Variants in XIRP2 observed in about 807,000 individuals in gnomAD.
XIRP2 encodes xin actin binding repeat containing 2, also known as xin actin-binding repeat-containing protein 2.
Under a neutral mutation model 277.0 loss-of-function variants are expected in XIRP2, and 236 were observed. That is an observed-to-expected ratio of 0.85 (90% CI 0.77 to 0.95). The LOEUF is 0.95. Ranked by LOEUF, XIRP2 falls within the 40% of genes least tolerant of loss-of-function variation. The pLI is 0.00. For synonymous variants in XIRP2, 1,490 were observed against 1,416.5 expected (o/e 1.05, Z -1.17); for missense variants, 4,640 against 4,157.5 (o/e 1.12, Z -3.19).
At chr2:167,015,751 AG>A in intron 2 of XIRP2, among the ~76,000 whole-genome samples, 1 of 151,944 alleles carries the variant, frequency 6.6e-6, no homozygotes, top group East Asian at 1.9e-4. Flanking sequence ...ACCCTGGAGA[AG>A]GCAGATGCCC....
At chr2:166,924,277 T>G (rs1685129261) in intron 2 of XIRP2, among the ~76,000 whole-genome samples, 1 of 152,000 alleles carries the variant, frequency 6.6e-6, no homozygotes, top group African/African-American at 2.4e-5. Flanking sequence ...ATTTAACAAG[T>G]GTGGGTTCCA....
intron 2 of XIRP2, among the ~76,000 whole-genome samples, chr2:167,070,690 G>T: frequency 6.6e-6 from 1 of 152,040 alleles, no homozygotes. Context: ...TGTTATAGAG[G>T]CAGACAATAT....
chr2:166,981,545 C>A (rs996298240), intron 2 of XIRP2, among the ~76,000 whole-genome samples: 5 of 152,114 alleles, frequency 3.3e-5, no homozygotes, highest in Non-Finnish European at 5.9e-5. Context: ...CCTCGGCCTC[C>A]AGAGTAGCTG....
chr2:167,132,515 C>T (rs1312614593), intron 2 of XIRP2, among the ~76,000 whole-genome samples: 1 of 132,398 alleles, frequency 7.6e-6, no homozygotes, highest in East Asian at 2.4e-4. Context: ...TGTGTATACA[C>T]ACACACACAC....
chr2:167,053,197 T>C (rs1688957806), intron 2 of XIRP2, among the ~76,000 whole-genome samples: 1 of 152,244 alleles, frequency 6.6e-6, no homozygotes, highest in South Asian at 2.1e-4. Flanking sequence ...TTATGTCTCC[T>C]ACTCTACAGC....
At chr2:166,970,208 T>C (rs1200488861) in intron 2 of XIRP2, among the ~76,000 whole-genome samples, 3 of 152,056 alleles carry the variant, frequency 2.0e-5, no homozygotes, top group African/African-American at 7.2e-5. Context: ...TTTTGATAAC[T>C]ATCTTTAGGA....
At chr2:167,026,056 G>T (rs1407174136) in intron 2 of XIRP2, among the ~76,000 whole-genome samples, 1 of 152,108 alleles carries the variant, frequency 6.6e-6, no homozygotes, top group Admixed American at 6.6e-5. Flanking sequence ...AGTGTGGGGT[G>T]TTAAAGTCTC....
rs756217059 is a variant in XIRP2 at position 167,243,587 on chromosome 2, G to A, written c.2195G>A (p.Ser732Asn). 1.4e-5 allele frequency: 23 copies of A among 1,613,974 alleles called. No homozygotes were observed. Among genetic ancestry groups the A allele is most frequent in the Non-Finnish European group, 1.8e-5 (21 of 1,179,972 alleles). ...LKEIKGNVKR[S>N]IKCFETQPLY... ...GAAATTAAGGGAAATGTTAAAAGAA[G>A]TATAAAATGTTTCGAAACTCAACCA... Residue 732 changes from serine to asparagine, a missense_variant, in exon 9 of 11, where the codon AGT becomes AAT. Ser to Asn is a conservative substitution (Grantham distance 46). Coordinates refer to ENST00000409195, the MANE Select transcript of XIRP2 (RefSeq NM_152381.6).
intron 3 of XIRP2, among the ~76,000 whole-genome samples, chr2:167,201,192 AAGAAAGAAAGAAAG>A (rs1693681275): frequency 2.2e-4 from 2 of 9,298 alleles, no homozygotes; most frequent in Non-Finnish European, 8.8e-4. Context: ...GAGAGAGAGA[AAGAAAGAAAGAAAG>A]AAAGAAAGAA....
intron 2 of XIRP2, among the ~76,000 whole-genome samples, chr2:166,904,616 T>C (rs926859487): frequency 2.0e-5 from 3 of 152,156 alleles, no homozygotes; most frequent in African/African-American, 7.2e-5. Context: ...ATTTATACTT[T>C]TGCGGTAATT....
rs1480660024 is a variant in XIRP2, at chr2:167,259,407, T to C, written c.*1590T>C. On this transcript the variant is annotated 3_prime_UTR_variant, in exon 11 of 11. Transcript: ENST00000409195. Reference sequence around the variant, plus strand: ...CAGTCCACACTTAGGCACTGAGAGATATTGATGTTCTGAAATAAGATTTTA... The same window carrying C: ...CAGTCCACACTTAGGCACTGAGAGACATTGATGTTCTGAAATAAGATTTTA... The C allele has an allele frequency of 9.9e-6, 15 of 1,512,160 alleles. 1 individual carries two copies. Among genetic ancestry groups the C allele is most frequent in the Middle Eastern group, 1.8e-4 (1 of 5,634 alleles). 93.7% of individuals were successfully genotyped at this position (1,512,160 alleles called of 1,614,324 possible).
At chr2:167,156,219 A>C (rs918416717) in intron 3 of XIRP2, among the ~76,000 whole-genome samples, 2 of 152,228 alleles carry the variant, frequency 1.3e-5, no homozygotes, top group African/African-American at 4.8e-5. Context: ...GCTACCAATG[A>C]CTTTCTTCAC....
At chr2:166,898,457 G>T (rs1397043050) in intron 1 of XIRP2, among the ~76,000 whole-genome samples, 1 of 152,072 alleles carries the variant, frequency 6.6e-6, no homozygotes, top group Admixed American at 6.6e-5. Flanking sequence ...ACTTGGAGTA[G>T]TGACTACCTA....
chr2:167,083,632 T>G (rs1273809103), intron 2 of XIRP2, among the ~76,000 whole-genome samples: 8 of 152,224 alleles, frequency 5.3e-5, no homozygotes, highest in South Asian at 2.1e-4. Context: ...AGCAGTGGTT[T>G]GTAGTTCTCC....
chr2:167,184,192 C>CA (rs1693095230), intron 3 of XIRP2, among the ~76,000 whole-genome samples: 1 of 152,168 alleles, frequency 6.6e-6, no homozygotes, highest in Non-Finnish European at 1.5e-5. Flanking sequence ...AGGGCCAAGA[C>CA]AGATTTCTCA....
chr2:167,147,293 G>C (rs2105328476), intron 3 of XIRP2, among the ~76,000 whole-genome samples: 1 of 152,292 alleles, frequency 6.6e-6, no homozygotes. Flanking sequence ...CTTGGGATGT[G>C]CAAACCCTGT....
chr2:167,218,070 G>C (rs1490573710), intron 4 of XIRP2, 96 bp from the exon 5 acceptor site: 3 of 1,067,872 alleles, frequency 2.8e-6, no homozygotes, highest in Non-Finnish European at 3.8e-6. Flanking sequence ...TTAAGATACT[G>C]TCTATCAATA....
intron 4 of XIRP2, among the ~76,000 whole-genome samples, chr2:167,212,406 A>T (rs754108638): frequency 6.6e-6 from 1 of 152,254 alleles, no homozygotes; most frequent in Non-Finnish European, 1.5e-5. Flanking sequence ...AATACACATT[A>T]AAAAAGTGGT....
chr2:167,151,873 A>G (rs1692026107), intron 3 of XIRP2, among the ~76,000 whole-genome samples: 1 of 152,136 alleles, frequency 6.6e-6, no homozygotes, highest in African/African-American at 2.4e-5. Flanking sequence ...TATTTTTTAA[A>G]AATTCAATTT....
Sources: allele counts gnomAD v4.1 joint callset (sites outside exome capture counted in the v4.1 genomes callset), GRCh38; gene constraint gnomAD v4.1.1; transcripts MANE v1.5; gene names NCBI Gene and HGNC (gene_info 2026-07-23, HGNC 2026-07-21).